The following UBE2E3 variants were observed in gnomAD, a reference collection of about 807,000 sequenced individuals.
UBE2E3 encodes the protein ubiquitin-conjugating enzyme E2 E3.
In UBE2E3, 5 loss-of-function variants were observed where a neutral mutation model predicts 23.6. The ratio of observed to expected loss-of-function variants is 0.21; its 90% confidence interval spans 0.11 to 0.44. The LOEUF is 0.44. Among genes scored for constraint, UBE2E3 ranks in the 20% least tolerant of loss-of-function variants. The pLI is 0.99. For synonymous variants in UBE2E3, 78 were observed against 87.5 expected (o/e 0.89, Z 0.60); for missense variants, 81 against 249.8 (o/e 0.32, Z 4.55).
chr2:180,985,505 TA>T (rs1339568298), intron 3 of UBE2E3, among the ~76,000 whole-genome samples: 1 of 152,186 alleles, frequency 6.6e-6, no homozygotes, highest in Non-Finnish European at 1.5e-5. Context: ...TTCACTTTTT[TA>T]CTATGTTAAT....
At chr2:181,059,075 G>A (rs2105481921) in intron 4 of UBE2E3, among the ~76,000 whole-genome samples, 1 of 151,794 alleles carries the variant, frequency 6.6e-6, no homozygotes, top group East Asian at 2.0e-4. Context: ...TGAATATAAT[G>A]ATTATAAATT....
chr2:181,005,633 C>T (rs1283061622), intron 3 of UBE2E3, among the ~76,000 whole-genome samples: 1 of 151,784 alleles, frequency 6.6e-6, no homozygotes, highest in Non-Finnish European at 1.5e-5. Flanking sequence ...ACCTGTGTGG[C>T]ACCTTACTGA....
chr2:181,041,954 A>G (rs1686522366), intron 3 of UBE2E3, among the ~76,000 whole-genome samples: 1 of 152,210 alleles, frequency 6.6e-6, no homozygotes, highest in African/African-American at 2.4e-5. Flanking sequence ...TTATTGTGAT[A>G]TACCTACCCT....
intron 3 of UBE2E3, among the ~76,000 whole-genome samples, chr2:181,021,551 A>ACTCCCTCC (rs146392569): frequency 7.3e-5 from 2 of 27,220 alleles, no homozygotes; most frequent in Non-Finnish European, 1.5e-4. Flanking sequence ...TTTTAAATAT[A>ACTCCCTCC]CTCCCTTCCT....
At chr2:181,050,465 G>A (rs1414139256) in intron 3 of UBE2E3, among the ~76,000 whole-genome samples, 3 of 151,872 alleles carry the variant, frequency 2.0e-5, no homozygotes, top group African/African-American at 7.2e-5. Context: ...AGACACTTAA[G>A]CAGAGATGGA....
At chr2:181,062,015 T>C (rs1687170611) in intron 5 of UBE2E3, among the ~76,000 whole-genome samples, 1 of 151,660 alleles carries the variant, frequency 6.6e-6, no homozygotes, top group Non-Finnish European at 1.5e-5. Context: ...TCAAGATATA[T>C]TAAGTATAAA....
intron 3 of UBE2E3, among the ~76,000 whole-genome samples, chr2:181,005,481 C>CTTG (rs1685122999): frequency 2.0e-5 from 3 of 152,154 alleles, no homozygotes; most frequent in Non-Finnish European, 4.4e-5. Context: ...CAAAGGTGAA[C>CTTG]TGGGTTACCA....
At chr2:181,032,295 G>A (rs1686107842) in intron 3 of UBE2E3, among the ~76,000 whole-genome samples, 1 of 152,156 alleles carries the variant, frequency 6.6e-6, no homozygotes, top group Non-Finnish European at 1.5e-5. Flanking sequence ...AAAATAACGT[G>A]TATCCAACAT....
At chr2:181,062,661 T>A (rs968051927) in intron 5 of UBE2E3, 130 bp from the exon 6 acceptor site, 9 of 425,642 alleles carry the variant, frequency 2.1e-5, no homozygotes, top group African/African-American at 1.6e-4. Context: ...AAACTTTTTC[T>A]TTTGAAAATT....
chr2:180,987,938 T>C (rs918619551), intron 3 of UBE2E3, among the ~76,000 whole-genome samples: 2 of 152,144 alleles, frequency 1.3e-5, no homozygotes, highest in Non-Finnish European at 2.9e-5. Flanking sequence ...TGGTGAATTG[T>C]ATATATAAGT....
At chr2:181,016,619 C>T (rs1685499661) in intron 3 of UBE2E3, among the ~76,000 whole-genome samples, 2 of 152,126 alleles carry the variant, frequency 1.3e-5, no homozygotes, top group African/African-American at 4.8e-5. Context: ...AGTCTGTTGA[C>T]CCCCAAACTG....
chr2:181,019,547 G>A (rs767942113), intron 3 of UBE2E3, among the ~76,000 whole-genome samples: 2 of 152,186 alleles, frequency 1.3e-5, no homozygotes, highest in Non-Finnish European at 2.9e-5. Context: ...ATAGAAACTA[G>A]AAAACTCAGG....
At chr2:181,034,319 C>T (rs866548167) in intron 3 of UBE2E3, among the ~76,000 whole-genome samples, 5 of 152,184 alleles carry the variant, frequency 3.3e-5, no homozygotes, top group Admixed American at 1.3e-4. Context: ...AAATGTGGCA[C>T]ATATACACCA....
rs147155812 is a variant in UBE2E3, at chr2:181,054,693, G to A, written c.246-3000G>A. ...AGACTGTTGCCTGCCTTGTTCTCTT[G>A]ACATTGTCTTGCAGAGCAAAAAAAA... On this transcript the variant is annotated intron_variant, in intron 3 of 5. Transcript: ENST00000410062. Among the ~76,000 whole-genome samples the A allele has an allele frequency of 1.1e-4, 17 of 151,800 alleles. No homozygotes were observed. In the East Asian group the frequency reaches 3.1e-3, roughly 28 times the overall value.
At chr2:180,997,391 T>C (rs1048764501) in intron 3 of UBE2E3, among the ~76,000 whole-genome samples, 2 of 152,132 alleles carry the variant, frequency 1.3e-5, no homozygotes, top group East Asian at 3.8e-4. Context: ...ATTCTGTTTC[T>C]TTTTTGTTTT....
At chr2:181,018,360 CTGTG>C (rs200158863) in intron 3 of UBE2E3, among the ~76,000 whole-genome samples, 3 of 142,662 alleles carry the variant, frequency 2.1e-5, no homozygotes, top group Admixed American at 6.9e-5. Flanking sequence ...ATTTTTATCT[CTGTG>C]TGTGTGTATA....
At position 180,980,678 on chromosome 2, in the gene UBE2E3, C is replaced by A. The variant is rs1195783018; in HGVS notation, c.-321C>A. ...GCGGGAGGCTACAGCGCGCGGGGGT[C>A]TCCCGCGTCCCCTCCGCCTCGCCGG... On this transcript the variant is annotated 5_prime_UTR_variant, in exon 1 of 6. Coordinates refer to ENST00000410062, the MANE Select transcript of UBE2E3 (RefSeq NM_006357.4). This position sits in a 1 kb window ranked among gnomAD's most constrained non-coding sequence, Gnocchi z 5.5. The A allele has an allele frequency of 1.4e-5, 2 of 145,190 alleles. No individual in the cohort carries two copies. The highest frequency in any genetic ancestry group is 2.5e-5 in the African/African-American group (1 of 39,868). The allele number at this position is 145,190 out of a possible 1,614,324, so 9.0% of individuals were successfully genotyped here.
intron 3 of UBE2E3, among the ~76,000 whole-genome samples, chr2:181,005,042 T>G (rs1160709296): frequency 6.6e-6 from 1 of 152,226 alleles, no homozygotes; most frequent in Non-Finnish European, 1.5e-5. Context: ...TTTGAATGCC[T>G]GTATCAGAAC....
At chr2:180,983,079 CTCTAGT>C (rs1684352412) in intron 2 of UBE2E3, among the ~76,000 whole-genome samples, 1 of 152,116 alleles carries the variant, frequency 6.6e-6, no homozygotes, top group African/African-American at 2.4e-5. Context: ...TATCCACAAA[CTCTAGT>C]AATTATACAT....
Sources: gnomAD v4.1 joint callset for allele counts (sites outside exome capture counted in the v4.1 genomes callset) on GRCh38, gnomAD v4.1.1 for gene constraint, Gnocchi (gnomAD v3.1) non-coding constraint, MANE v1.5 for transcripts, NCBI Gene and HGNC (gene_info 2026-07-23, HGNC 2026-07-21) for gene names.